Variants in OR1S1 observed in about 807,000 individuals in gnomAD.
The protein encoded by OR1S1 is olfactory receptor 1S1.
For missense variants in OR1S1, 411 were observed against 367.5 expected, an observed-to-expected ratio of 1.12 and a Z score of -0.97; for synonymous variants, 156 against 143.9, an observed-to-expected ratio of 1.08 and a Z score of -0.60.
exon 2 of OR1S1, chr11:58,215,601 T>C (rs562736809): frequency 3.1e-6 from 5 of 1,614,120 alleles, no homozygotes; most frequent in Non-Finnish European, 4.2e-6. Context: ...ACTGATAAGA[T>C]TGGTGCTGTC....
intron 1 of OR1S1, among the ~76,000 whole-genome samples, chr11:58,213,968 G>A (rs1254196338): frequency 6.6e-6 from 1 of 152,272 alleles, no homozygotes; most frequent in South Asian, 2.1e-4. Flanking sequence ...ATAGCATCAC[G>A]TGTCCTATGG....
exon 2 of OR1S1, chr11:58,214,868 G>C (rs532183851): frequency 1.7e-5 from 27 of 1,614,026 alleles, no homozygotes; most frequent in Non-Finnish European, 2.1e-5. Flanking sequence ...CCTCCTCTTT[G>C]TGCTTTTCTT....
exon 2 of OR1S1, chr11:58,215,996 T>TA: frequency 4.7e-6 from 2 of 422,996 alleles, no homozygotes; most frequent in Non-Finnish European, 4.3e-6. Flanking sequence ...ATGGAGGTGA[T>TA]GAGTTGTTGA....
chr11:58,215,318 T>G (rs773114763), exon 2 of OR1S1: 15 of 1,613,686 alleles, frequency 9.3e-6, no homozygotes, highest in South Asian at 2.2e-5. Flanking sequence ...ACACTTCTTC[T>G]GTGACTTGGC....
rs747800347 is a variant in OR1S1, at chr11:58,215,566, C to A, written c.783C>A (p.Phe261Leu). 6 of 1,613,924 alleles carry A rather than the reference C, an allele frequency of 3.7e-6. No homozygotes were observed. In the African/African-American group the frequency reaches 8.0e-5, roughly 22 times the overall value. ...GAACCATTGTAGGCGTGTACTTTTT[C>A]CCCTCCTCCACTCACCCTGAGGACA... The change falls in exon 2 of 2, where the codon TTC (phenylalanine) becomes TTA (leucine). Residue 261 changes from phenylalanine (F) to leucine (L), a missense_variant. Physicochemically the swap from Phe to Leu is conservative, Grantham distance 22 (BLOSUM62 0). Transcript: ENST00000641544.
chr11:58,213,268 A>G (rs1175181738), intron 1 of OR1S1, among the ~76,000 whole-genome samples: 1 of 152,176 alleles, frequency 6.6e-6, no homozygotes. Flanking sequence ...ATTATTTCCA[A>G]TAAATCACAA....
exon 2 of OR1S1, chr11:58,215,431 T>C (rs147092977): frequency 7.6e-5 from 123 of 1,613,888 alleles, no homozygotes; most frequent in African/African-American, 2.4e-4. Flanking sequence ...TCAGCTTCTT[T>C]TCCTATGTCT....
exon 2 of OR1S1, chr11:58,216,069 G>C (rs1401005649): frequency 4.4e-6 from 1 of 225,642 alleles, no homozygotes; most frequent in Non-Finnish European, 8.8e-6. Context: ...TAAATCATTA[G>C]GGGGACTATA....
chr11:58,214,797 A>G, exon 2 of OR1S1: 1 of 1,613,998 alleles, frequency 6.2e-7, no homozygotes, highest in Non-Finnish European at 8.5e-7. Context: ...CATCAAGGAA[A>G]CCAAACCACC....
exon 2 of OR1S1, chr11:58,215,758 T>A: frequency 6.3e-7 from 1 of 1,585,446 alleles, no homozygotes; most frequent in Non-Finnish European, 8.6e-7. Flanking sequence ...GTCCACATAA[T>A]CAGATAAATG....
At chr11:58,214,117 A>G (rs749625770) in intron 1 of OR1S1, among the ~76,000 whole-genome samples, 17 of 152,200 alleles carry the variant, frequency 1.1e-4, no homozygotes, top group Non-Finnish European at 2.4e-4. Context: ...TTTAAAAGCA[A>G]GAGGCAAACA....
chr11:58,213,344 C>G (rs1854977742), intron 1 of OR1S1, among the ~76,000 whole-genome samples: 3 of 152,194 alleles, frequency 2.0e-5, no homozygotes. Context: ...GAGCCGTTTA[C>G]CTTTCTGGCC....
chr11:58,215,030 G>T (rs770160169), exon 2 of OR1S1: 1 of 1,614,074 alleles, frequency 6.2e-7, no homozygotes, highest in South Asian at 1.1e-5. Flanking sequence ...CAAAATGCTG[G>T]TGAATATTCA....
At chr11:58,214,426 G>C (rs1277472511) in intron 1 of OR1S1, among the ~76,000 whole-genome samples, 2 of 152,152 alleles carry the variant, frequency 1.3e-5, no homozygotes, top group African/African-American at 4.8e-5. Flanking sequence ...TCATTTTTAA[G>C]TTAATTCTGC....
At chr11:58,213,755 G>A (rs1019540609) in intron 1 of OR1S1, among the ~76,000 whole-genome samples, 10 of 151,994 alleles carry the variant, frequency 6.6e-5, no homozygotes, top group African/African-American at 2.2e-4. Context: ...GACCATTTTG[G>A]GGTTCGTCAG....
At chr11:58,215,911 G>A (rs1327641800) in exon 2 of OR1S1, 2 of 668,606 alleles carry the variant, frequency 3.0e-6, no homozygotes, top group Admixed American at 5.6e-5. Flanking sequence ...TAACTGCCAT[G>A]GTAAGTCACA....
At chr11:58,216,011 T>C (rs140869071) in exon 2 of OR1S1, 2 of 387,106 alleles carry the variant, frequency 5.2e-6, no homozygotes, top group African/African-American at 4.0e-5. Context: ...TGTTGATTAA[T>C]GGGTACAACA....
exon 2 of OR1S1, chr11:58,215,167 C>T: frequency 1.2e-6 from 2 of 1,614,122 alleles, no homozygotes; most frequent in South Asian, 2.2e-5. Flanking sequence ...CGATCTGCCA[C>T]CCTCTGAATT....
rs369260202 is a variant in OR1S1, at chr11:58,214,880, G to T, written c.97G>T (p.Gly33Cys). Residue 33 changes from glycine to cysteine, a missense_variant, in exon 2 of 2, where the codon GGT becomes TGT. Gly to Cys is a radical substitution (Grantham distance 159). Coordinates refer to ENST00000641544, the Ensembl canonical transcript of OR1S1. ...AAACCTCCTCTTTGTGCTTTTCTTGGGTATGTACCTGGTCACTGTGATTGG... is the reference window on the plus strand; with the variant it reads ...AAACCTCCTCTTTGTGCTTTTCTTGTGTATGTACCTGGTCACTGTGATTGG... 1.5e-5 allele frequency: 25 copies of T among 1,613,724 alleles called. No homozygotes were observed. The highest frequency in any genetic ancestry group is 2.1e-5 in the Non-Finnish European group (25 of 1,179,936).
Sources: allele counts gnomAD v4.1 joint callset (sites outside exome capture counted in the v4.1 genomes callset), GRCh38; gene constraint gnomAD v4.1.1; transcripts MANE v1.5; gene names NCBI Gene and HGNC (gene_info 2026-07-23, HGNC 2026-07-21).